The following KDM5C variants were observed in gnomAD, a reference collection of about 807,000 sequenced individuals.
KDM5C encodes lysine demethylase 5C, also known as lysine-specific demethylase 5C.
Under a neutral mutation model 110.6 loss-of-function variants are expected in KDM5C, and 16 were observed. That is an observed-to-expected ratio of 0.14 (90% CI 0.10 to 0.22). The LOEUF (loss-of-function observed/expected upper bound fraction) is 0.22, where lower values mean the gene tolerates loss of function less well. Among genes scored for constraint, KDM5C ranks in the 10% least tolerant of loss-of-function variants. The pLI is 1.00. For synonymous variants in KDM5C, 511 were observed against 520.4 expected, an observed-to-expected ratio of 0.98 and a Z score of 0.24; for missense variants, 681 against 1,300.9, an observed-to-expected ratio of 0.52 and a Z score of 7.33.
Position 53,217,900 on chromosome X carries a change from G to A in KDM5C, c.418C>T (p.Arg140Cys), listed in dbSNP as rs1602230417. The A allele has an allele frequency of 1.7e-6, 2 of 1,210,586 alleles. No individual in the cohort carries two copies. Among genetic ancestry groups the A allele is most frequent in the Non-Finnish European group, 1.1e-6 (1 of 894,481 alleles). ...KDRRWARVAQ[R>C]LNYPPGKNIG... ...TTTTTGCCTGGTGGATAGTTGAGGC[G>A]CTGGGCTACCCGAGCCCACCGACGG... is the stretch of plus-strand genomic sequence containing the variant. Residue 140 changes from arginine (R) to cysteine (C), a missense_variant, in exon 4 of 26, where the codon CGC becomes TGC. Coordinates refer to ENST00000375401, the MANE Select transcript of KDM5C (RefSeq NM_004187.5).
In KDM5C at chrX:53,218,404, G is replaced by A. The variant is rs781861877; in HGVS notation, c.229-6C>T. On this transcript the variant is annotated splice_region_variant and splice_polypyrimidine_tract_variant and intron_variant, in intron 2 of 25. Coordinates refer to ENST00000375401, the MANE Select transcript of KDM5C (RefSeq NM_004187.5). ...AGTTTCACTCTCGTCTGGGCCTGAA[G>A]AAGAAATGGCTCAAAGAGGCTGGCC... 10 of 1,210,859 alleles carry A rather than the reference G, an allele frequency of 8.3e-6. No homozygotes were observed. The highest frequency in any genetic ancestry group is 3.0e-5 in the East Asian group (1 of 33,824).
downstream of KDM5C, chrX:53,192,057 G>A (rs1408302452): frequency 8.8e-6 from 1 of 114,034 alleles, no homozygotes; most frequent in African/African-American, 3.7e-5. Flanking sequence ...AGAGCTCCCT[G>A]GCTTCAGCCC....
chrX:53,181,135 A>T (rs181262116), intron 25 of KDM5C, among the ~76,000 whole-genome samples: 4,186 of 106,218 alleles, frequency 0.039, 68 homozygotes, highest in African/African-American at 0.053. Flanking sequence ...ATATATATAT[A>T]TTTTTTTTTG....
intron 8 of KDM5C, 115 bp downstream of exon 8, chrX:53,214,574 C>G (rs1364584132): frequency 1.2e-6 from 1 of 864,882 alleles, no homozygotes; most frequent in South Asian, 2.4e-5. Context: ...CCTAATCCCA[C>G]CACAGAGACC....
At chrX:53,215,100 G>A in intron 7 of KDM5C, 3 of 482,405 alleles carry the variant, frequency 6.2e-6, no homozygotes, top group Non-Finnish European at 7.5e-6. Flanking sequence ...CTAGCACAAA[G>A]ACAAGACATG....
chrX:53,185,127 A>C (rs1934181073), intron 25 of KDM5C, among the ~76,000 whole-genome samples: 1 of 112,333 alleles, frequency 8.9e-6, no homozygotes, highest in East Asian at 2.8e-4. Context: ...AGACTAGCTA[A>C]GTGGTCATTA....
At chrX:53,197,932 T>C (rs1569262666) in intron 17 of KDM5C, 56 bp from the exon 18 acceptor site, 1 of 900,758 alleles carries the variant, frequency 1.1e-6, no homozygotes. Flanking sequence ...TCCCTCCATG[T>C]CTATGCTAAG....
intron 14 of KDM5C, among the ~76,000 whole-genome samples, chrX:53,200,205 GGTCA>G (rs1178247442): frequency 9.0e-6 from 1 of 111,289 alleles, no homozygotes; most frequent in East Asian, 2.8e-4. Flanking sequence ...TAAGTCTCAG[GGTCA>G]GTAACTTGCC....
At position 53,225,183 on chromosome X, in the gene KDM5C, G is replaced by C. The variant is rs1182510953; in HGVS notation, c.-294C>G. On this transcript the variant is annotated 5_prime_UTR_variant, in exon 1 of 26. Coordinates refer to ENST00000375401, the MANE Select transcript of KDM5C (RefSeq NM_004187.5). ...CCTCCCAAACGCCGCGGCCTTCAGCGCCGCCGCCGCCATCTTGGTTTGTCA... is the reference window on the plus strand; with the variant it reads ...CCTCCCAAACGCCGCGGCCTTCAGCCCCGCCGCCGCCATCTTGGTTTGTCA... The C allele has an allele frequency of 1.2e-5, 4 of 346,808 alleles. No individual in the cohort carries two copies. Among genetic ancestry groups the C allele is most frequent in the East Asian group, 4.4e-5 (1 of 22,780 alleles). The allele number at this position is 346,808 out of a possible 1,213,427, so 28.6% of individuals were successfully genotyped here.
chrX:53,203,082 A>G (rs781826543), intron 12 of KDM5C, among the ~76,000 whole-genome samples: 1 of 111,693 alleles, frequency 9.0e-6, no homozygotes, highest in Admixed American at 9.5e-5. Flanking sequence ...CTGGGATTAC[A>G]AGTGTGAGCC....
rs1556851514 is a variant in KDM5C at position 53,215,851 on chromosome X, C to G, written c.907G>C (p.Glu303Gln). 8.3e-7 allele frequency: 1 copy of G among 1,211,847 alleles called. No individual in the cohort carries two copies. The highest frequency in any genetic ancestry group is 3.0e-5 in the East Asian group (1 of 33,847). ...ESKEELSHSP[E>Q]PCTKMTMRLR... The stretch of plus-strand genomic sequence containing the variant: ...CTCATGGTCATCTTGGTGCAGGGTT[C>G]TGGGCTGTGACTCAGCTCCTCCTTG... The change falls in exon 7 of 26, where the codon GAA becomes CAA. Residue 303 changes from glutamate to glutamine, a missense_variant. Glu to Gln is a conservative substitution (Grantham distance 29, BLOSUM62 2). Transcript: ENST00000375401.
Position 53,197,625 on chromosome X carries a change from T to C in KDM5C, c.2622+146A>G, listed in dbSNP as rs933543269. ...TCTAACAGACAAGTCACTAGACCCT[T>C]GCCTCACCCCTCCCACCTGTTCTTT... On this transcript the variant is annotated intron_variant, in intron 18 of 25. Coordinates refer to ENST00000375401, the MANE Select transcript of KDM5C (RefSeq NM_004187.5). 5.8e-6 allele frequency: 3 copies of C among 514,113 alleles called. No homozygotes were observed. The East Asian group carries it at 1.1e-4, about 19-fold the overall frequency. The allele number at this position is 514,113 out of a possible 1,213,427, so 42.4% of individuals were successfully genotyped here. A position where few individuals can be genotyped will look rare whatever the true frequency, so the allele number is the denominator to read the frequency against.
At chrX:53,194,811 C>A in intron 22 of KDM5C, 73 bp from the exon 23 acceptor site, 1 of 1,192,901 alleles carries the variant, frequency 8.4e-7, no homozygotes, top group Non-Finnish European at 1.1e-6. Flanking sequence ...CCCCTTAACA[C>A]CCCCACTCCC....
chrX:53,195,320 G>A lies in KDM5C; in HGVS notation c.3211C>T (p.Leu1071=). The change falls in exon 21 of 26, where the codon CTA becomes TTA. Residue 1071 remains leucine, a synonymous_variant. Transcript: ENST00000375401. ...TGCGCTGTCAGTACCTGTAGCTCTA[G>A]CTGTCTCAGCTCCTCCAGCCCCACA... ...LPVGLEELRQ[L]ELQVLTAHSW... is the part of the protein sequence containing the mutation. 1 of 1,204,892 alleles carries A rather than the reference G, an allele frequency of 8.3e-7. No individual in the cohort carries two copies. Among genetic ancestry groups the A allele is most frequent in the Non-Finnish European group, 1.1e-6 (1 of 891,483 alleles).
Position 53,192,873 on chromosome X carries a change from G to GCCCCCCCCC in KDM5C, c.*93_*94insGGGGGGGGG. 3 of 230,668 alleles carry GCCCCCCCCC rather than the reference G, an allele frequency of 1.3e-5. No homozygotes were observed. Among genetic ancestry groups the GCCCCCCCCC allele is most frequent in the Non-Finnish European group, 1.3e-5 (2 of 159,369 alleles). The allele number at this position is 230,668 out of a possible 1,213,427, so 19.0% of individuals were successfully genotyped here. A position where few individuals can be genotyped will look rare whatever the true frequency, so the allele number is the denominator to read the frequency against. On this transcript the variant is annotated 3_prime_UTR_variant, in exon 26 of 26. Coordinates refer to ENST00000375401, the MANE Select transcript of KDM5C (RefSeq NM_004187.5). ...AGCAGGGATGGCCACCCCCCTACCCGCCCACCCCCCAAGAAGCAGGCTTGA... is the reference window on the plus strand; with the variant it reads ...AGCAGGGATGGCCACCCCCCTACCCGCCCCCCCCCCCCACCCCCCAAGAAGCAGGCTTGA...
intron 12 of KDM5C, among the ~76,000 whole-genome samples, chrX:53,207,968 C>CAAAAA (rs781945536): frequency 0.015 from 416 of 27,366 alleles, 1 homozygote; most frequent in Middle Eastern, 0.023. Flanking sequence ...GACTCTGTCT[C>CAAAAA]AAAAAAAAAA....
chrX:53,203,101 C>T (rs1328090681), intron 12 of KDM5C, among the ~76,000 whole-genome samples: 2 of 111,491 alleles, frequency 1.8e-5, no homozygotes, highest in South Asian at 3.7e-4. Flanking sequence ...CCACCGCGCC[C>T]GGCAAAAATC....
Position 53,215,885 on chromosome X carries a change from G to A in KDM5C, c.873C>T (p.Phe291=), listed in dbSNP as rs1556851553. 10 of 1,209,478 alleles carry A rather than the reference G, an allele frequency of 8.3e-6. No individual in the cohort carries two copies. Among genetic ancestry groups the A allele is most frequent in the Non-Finnish European group, 1.0e-5 (9 of 894,624 alleles). The change falls in exon 7 of 26, where the codon TTC becomes TTT. Residue 291 remains phenylalanine, a synonymous_variant. Transcript: ENST00000375401. ...GACTCAGCTCCTCCTTGCTCTCCAG[G>A]AAGGTCTTAGGCGATGTTGACTCCA... The part of the protein sequence containing the change: ...VKVESTSPKT[F]LESKEELSHS...
chrX:53,195,299 C>T lies in KDM5C; in HGVS notation c.3232G>A (p.Ala1078Thr). The T allele has an allele frequency of 8.3e-7, 1 of 1,204,834 alleles. No homozygotes were observed. Among genetic ancestry groups the T allele is most frequent in the Non-Finnish European group, 1.1e-6 (1 of 891,585 alleles). The change falls in exon 21 of 26, where the codon GCG (alanine) becomes ACG (threonine). Residue 1078 changes from alanine to threonine, a missense_variant. Ala to Thr is a moderately conservative substitution (Grantham distance 58). Transcript: ENST00000375401. ...LRQLELQVLT[A>T]HSWREKASKT... ...GAGGCCTTCTCCCTCCAGGAGTGCG[C>T]TGTCAGTACCTGTAGCTCTAGCTGT...
Sources: gnomAD v4.1 joint callset for allele counts (sites outside exome capture counted in the v4.1 genomes callset) on GRCh38, gnomAD v4.1.1 for gene constraint, MANE v1.5 for transcripts, NCBI Gene and HGNC (gene_info 2026-07-23, HGNC 2026-07-21) for gene names.